Variants in DAB1 observed in about 807,000 individuals in gnomAD.
DAB1 encodes the protein disabled homolog 1.
DAB1 carries 15 observed loss-of-function variants against 64.6 expected under a neutral mutation model. That is an observed-to-expected ratio of 0.23 (90% CI 0.16 to 0.36). The LOEUF is 0.36. Among genes scored for constraint, DAB1 ranks in the 10% least tolerant of loss-of-function variants. The probability of loss-of-function intolerance (pLI) is 1.00; values close to 1 mark genes in which losing one functional copy is unlikely to be tolerated. For synonymous variants in DAB1, 235 were observed against 251.9 expected (o/e 0.93, Z 0.64); for missense variants, 596 against 706.7 (o/e 0.84, Z 1.78).
intron 4 of DAB1, among the ~76,000 whole-genome samples, chr1:58,283,459 A>C (rs2100442188): frequency 6.6e-6 from 1 of 152,016 alleles, no homozygotes; most frequent in East Asian, 1.9e-4. Flanking sequence ...CCTTTCATCC[A>C]ATCATCCATT....
chr1:58,041,538 T>C (rs781224218), intron 5 of DAB1, among the ~76,000 whole-genome samples: 25 of 152,210 alleles, frequency 1.6e-4, no homozygotes, highest in Non-Finnish European at 3.1e-4. Context: ...TGTGTTACAG[T>C]TGCAGAACCT....
At chr1:58,290,567 T>C (rs1327797117) in intron 4 of DAB1, among the ~76,000 whole-genome samples, 1 of 152,016 alleles carries the variant, frequency 6.6e-6, no homozygotes, top group African/African-American at 2.4e-5. Context: ...TAAAAAAAAA[T>C]TGGTATTTCT....
chr1:57,261,671 A>G (rs1294014349), intron 2 of DAB1, among the ~76,000 whole-genome samples: 2 of 152,220 alleles, frequency 1.3e-5, no homozygotes, highest in Non-Finnish European at 2.9e-5. Flanking sequence ...GTAAGCACTC[A>G]GCACATCTGC....
intron 1 of DAB1, among the ~76,000 whole-genome samples, chr1:57,368,183 A>G (rs1275930896): frequency 6.6e-6 from 1 of 152,152 alleles, no homozygotes; most frequent in Non-Finnish European, 1.5e-5. Context: ...ACTGATGAGG[A>G]TAAGAGGGAA....
At chr1:57,961,598 G>C (rs12740070) in intron 5 of DAB1, among the ~76,000 whole-genome samples, 4 of 151,982 alleles carry the variant, frequency 2.6e-5, no homozygotes, top group Non-Finnish European at 5.9e-5. Context: ...CACATCAAAA[G>C]TCCATAAAGA....
chr1:57,720,999 G>T (rs1037898425), intron 6 of DAB1, among the ~76,000 whole-genome samples: 1 of 152,186 alleles, frequency 6.6e-6, no homozygotes, highest in African/African-American at 2.4e-5. Context: ...ATAGGCATCT[G>T]CAAATTGCAG....
intron 1 of DAB1, among the ~76,000 whole-genome samples, chr1:57,369,945 G>GA (rs1389873637): frequency 5.3e-5 from 8 of 152,292 alleles, no homozygotes; most frequent in African/African-American, 1.9e-4. Context: ...ATCAAGGCCT[G>GA]TGCTCTGCCC....
intron 1 of DAB1, among the ~76,000 whole-genome samples, chr1:57,402,679 G>T (rs771605086): frequency 1.3e-5 from 2 of 152,120 alleles, no homozygotes; most frequent in African/African-American, 2.4e-5. Context: ...TAGATGTATC[G>T]ATTTACTTAC....
At chr1:57,671,167 A>G (rs1241919585) in intron 6 of DAB1, among the ~76,000 whole-genome samples, 1 of 152,126 alleles carries the variant, frequency 6.6e-6, no homozygotes, top group Non-Finnish European at 1.5e-5. Flanking sequence ...CAGAGGGCTG[A>G]CTGTGTTTAT....
At chr1:58,496,109 C>G (rs1299821191) in intron 3 of DAB1, among the ~76,000 whole-genome samples, 1 of 151,794 alleles carries the variant, frequency 6.6e-6, no homozygotes, top group African/African-American at 2.4e-5. Context: ...GTATCTTTCC[C>G]ATTGTTATAT....
chr1:57,227,094 G>A (rs994720212), intron 2 of DAB1, among the ~76,000 whole-genome samples: 1 of 152,016 alleles, frequency 6.6e-6, no homozygotes, highest in Non-Finnish European at 1.5e-5. Flanking sequence ...AGGATCACTT[G>A]AGCCCAGGAG....
chr1:57,109,593 A>ATTG (rs397824971), intron 4 of DAB1, among the ~76,000 whole-genome samples: 36 of 151,860 alleles, frequency 2.4e-4, no homozygotes, highest in African/African-American at 8.5e-4. Flanking sequence ...TGCAATTATT[A>ATTG]CCACAATTTT....
intron 4 of DAB1, among the ~76,000 whole-genome samples, chr1:58,238,920 G>A (rs909093068): frequency 6.6e-6 from 1 of 152,142 alleles, no homozygotes; most frequent in Non-Finnish European, 1.5e-5. Flanking sequence ...AGAAGGGCAT[G>A]TTAAAAGAAG....
chr1:57,313,498 G>C (rs1381803802), intron 1 of DAB1, among the ~76,000 whole-genome samples: 1 of 152,184 alleles, frequency 6.6e-6, no homozygotes, highest in African/African-American at 2.4e-5. Context: ...CAAAAATACA[G>C]TAGGGGCCTG....
intron 1 of DAB1, among the ~76,000 whole-genome samples, chr1:57,390,241 G>A (rs757590678): frequency 2.0e-5 from 3 of 152,202 alleles, no homozygotes; most frequent in Non-Finnish European, 4.4e-5. Context: ...TGAATCAGAA[G>A]ACCTGATGGG....
At chr1:57,317,915 T>C (rs1046097866) in intron 1 of DAB1, among the ~76,000 whole-genome samples, 3 of 152,184 alleles carry the variant, frequency 2.0e-5, no homozygotes, top group African/African-American at 7.2e-5. Context: ...AGTGCCACCA[T>C]TTGAAAGTGC....
chr1:57,060,236 C>T (rs1388092279), intron 9 of DAB1, among the ~76,000 whole-genome samples: 3 of 151,684 alleles, frequency 2.0e-5, no homozygotes, highest in South Asian at 4.1e-4. Context: ...CTGCAACCTC[C>T]GCCTCCAGGG....
intron 2 of DAB1, among the ~76,000 whole-genome samples, chr1:57,219,848 G>A (rs197616): frequency 6.6e-6 from 1 of 151,908 alleles, no homozygotes; most frequent in South Asian, 2.1e-4. Flanking sequence ...CCCAGAATCC[G>A]GAAAGAAAGG....
At chr1:57,434,314 A>G (rs1310652973) in intron 7 of DAB1, among the ~76,000 whole-genome samples, 2 of 152,238 alleles carry the variant, frequency 1.3e-5, no homozygotes, top group Non-Finnish European at 2.9e-5. Context: ...GAAATAAAAT[A>G]CACTACTGAC....
Sources: gnomAD v4.1 joint callset for allele counts (sites outside exome capture counted in the v4.1 genomes callset) on GRCh38, gnomAD v4.1.1 for gene constraint, MANE v1.5 for transcripts, NCBI Gene and HGNC (gene_info 2026-07-23, HGNC 2026-07-21) for gene names.